The following SOX6 variants were observed in gnomAD, a reference collection of about 807,000 sequenced individuals.
SOX6 encodes the protein transcription factor SOX-6.
Under a neutral mutation model 97.8 loss-of-function variants are expected in SOX6, and 11 were observed. That is an observed-to-expected ratio of 0.11 (90% CI 0.07 to 0.19). The LOEUF is 0.19. SOX6 is among the 10% of genes least tolerant of loss of function. The probability of loss-of-function intolerance (pLI) is 1.00; values close to 1 mark genes in which losing one functional copy is unlikely to be tolerated. For missense variants in SOX6, 810 were observed against 1,039.5 expected, an observed-to-expected ratio of 0.78 and a Z score of 3.04; for synonymous variants, 360 against 371.4, an observed-to-expected ratio of 0.97 and a Z score of 0.35.
chr11:16,293,377 T>C (rs1242215735), intron 3 of SOX6, among the ~76,000 whole-genome samples: 1 of 152,180 alleles, frequency 6.6e-6, no homozygotes, highest in Non-Finnish European at 1.5e-5. Flanking sequence ...GGCTTTGTTA[T>C]TTATAGAAAC....
intron 9 of SOX6, among the ~76,000 whole-genome samples, chr11:16,071,822 G>T (rs369364533): frequency 2.0e-5 from 3 of 152,020 alleles, no homozygotes; most frequent in African/African-American, 7.2e-5. Context: ...AATTGGAGGG[G>T]CTCCTTCAAG....
chr11:16,430,900 TTCAGGTTTCCTATCTTCC>T (rs1163836104), intron 1 of SOX6, among the ~76,000 whole-genome samples: 2 of 152,180 alleles, frequency 1.3e-5, no homozygotes, highest in African/African-American at 4.8e-5. Context: ...ACCCATCTTC[TTCAGGTTTCCTATCTTCC>T]TCAGGGTAAA....
At chr11:16,527,887 C>T (rs1382197672) in intron 4 of SOX6, among the ~76,000 whole-genome samples, 1 of 152,056 alleles carries the variant, frequency 6.6e-6, no homozygotes, top group Non-Finnish European at 1.5e-5. Flanking sequence ...GTGACGGCAG[C>T]AAAGCTCCAA....
At chr11:16,122,222 T>G (rs1305864276) in intron 6 of SOX6, among the ~76,000 whole-genome samples, 2 of 152,192 alleles carry the variant, frequency 1.3e-5, no homozygotes, top group East Asian at 1.9e-4. Flanking sequence ...TTGACTATTA[T>G]GCAAATAGTC....
intron 4 of SOX6, among the ~76,000 whole-genome samples, chr11:16,581,379 T>C (rs1848030869): frequency 6.6e-6 from 1 of 151,876 alleles, no homozygotes; most frequent in Non-Finnish European, 1.5e-5. Context: ...GTCCCCTCAC[T>C]CATAAGTGGG....
At chr11:16,069,052 C>A (rs1848159194) in intron 9 of SOX6, among the ~76,000 whole-genome samples, 2 of 152,150 alleles carry the variant, frequency 1.3e-5, no homozygotes, top group South Asian at 4.1e-4. Flanking sequence ...TCAGCCCACA[C>A]CCTTTTCTCC....
At chr11:16,423,119 A>G (rs1859052227) in intron 1 of SOX6, among the ~76,000 whole-genome samples, 1 of 152,130 alleles carries the variant, frequency 6.6e-6, no homozygotes, top group Non-Finnish European at 1.5e-5. Context: ...TTCTAATGTT[A>G]TCTCCAAATT....
At chr11:16,259,244 C>A (rs1853797009) in intron 3 of SOX6, among the ~76,000 whole-genome samples, 1 of 151,576 alleles carries the variant, frequency 6.6e-6, no homozygotes, top group South Asian at 2.1e-4. Flanking sequence ...TTACATACAT[C>A]CATTAAAACC....
chr11:16,123,098 AG>A (rs1431068326), intron 6 of SOX6, among the ~76,000 whole-genome samples: 1 of 152,106 alleles, frequency 6.6e-6, no homozygotes, highest in Non-Finnish European at 1.5e-5. Flanking sequence ...AGTATCATTT[AG>A]AGATGCCTCT....
chr11:16,311,716 C>T lies in SOX6; in HGVS notation c.445+6730G>A, dbSNP rs185636569. 12 of 152,236 alleles carry T rather than the reference C, an allele frequency of 7.9e-5. No homozygotes were observed. The East Asian group carries it at 2.3e-3, about 29-fold the overall frequency. 9.4% of individuals were successfully genotyped at this position (152,236 alleles called of 1,614,324 possible). ...CTACACTCAGTAGGCTATACTGTCT[C>T]TCTAAATATTAAAACTTAGATTCAA... On this transcript the variant is annotated intron_variant, in intron 3 of 15. Transcript: ENST00000683767.
chr11:16,452,171 T>C (rs192732799), intron 1 of SOX6, among the ~76,000 whole-genome samples: 2 of 152,188 alleles, frequency 1.3e-5, no homozygotes, highest in Admixed American at 1.3e-4. Context: ...CCTCTTGAAG[T>C]ATGTCACAGA....
chr11:16,274,908 A>G (rs1378135939), intron 3 of SOX6, among the ~76,000 whole-genome samples: 1 of 152,180 alleles, frequency 6.6e-6, no homozygotes, highest in Non-Finnish European at 1.5e-5. Flanking sequence ...GTATGCAGGT[A>G]GCCTAGGCAA....
At chr11:16,625,762 C>T (rs765469010) in intron 3 of SOX6, among the ~76,000 whole-genome samples, 18 of 152,216 alleles carry the variant, frequency 1.2e-4, no homozygotes, top group Non-Finnish European at 2.1e-4. Flanking sequence ...TTGGTAAACA[C>T]ATGAAGGTGC....
At chr11:16,731,682 C>T (rs1175954050) in intron 2 of SOX6, among the ~76,000 whole-genome samples, 1 of 151,834 alleles carries the variant, frequency 6.6e-6, no homozygotes, top group Non-Finnish European at 1.5e-5. Context: ...TTGAAATGCA[C>T]AAGACAAGGA....
chr11:16,531,764 A>G (rs887411874), intron 4 of SOX6, among the ~76,000 whole-genome samples: 2 of 151,942 alleles, frequency 1.3e-5, no homozygotes, highest in Non-Finnish European at 2.9e-5. Flanking sequence ...ATACTCGCTA[A>G]TCTTTTTCTT....
Position 16,234,594 on chromosome 11 carries a change from C to T in SOX6, c.523G>A (p.Gly175Arg), listed in dbSNP as rs1852959968. 1 of 1,584,056 alleles carries T rather than the reference C, an allele frequency of 6.3e-7. No homozygotes were observed. Among genetic ancestry groups the T allele is most frequent in the Non-Finnish European group, 8.6e-7 (1 of 1,156,348 alleles). ...MERLNTSELLGEIKGTPESLA... is the reference protein window; with the variant it reads ...MERLNTSELLREIKGTPESLA... ...TTTTATGTTGTACCTTTAATTTCTC[C>T]AAGAAGTTCACTGGTATTTAGTCTT... The change falls in exon 4 of 16, where the codon GGA (glycine) becomes AGA (arginine). Residue 175 changes from glycine to arginine, a missense_variant. Around this residue, in one of 9 missense-constraint regions of SOX6, gnomAD observed 110 missense variants for 119.0 expected, o/e 0.92. Transcript: ENST00000683767.
At chr11:16,488,634 A>G (rs920195134) in intron 4 of SOX6, among the ~76,000 whole-genome samples, 1 of 152,132 alleles carries the variant, frequency 6.6e-6, no homozygotes, top group Non-Finnish European at 1.5e-5. Context: ...ACATTATCAC[A>G]CCTAACAAAT....
At chr11:16,116,569 T>C (rs1324998837) in intron 6 of SOX6, among the ~76,000 whole-genome samples, 1 of 152,228 alleles carries the variant, frequency 6.6e-6, no homozygotes, top group Non-Finnish European at 1.5e-5. Context: ...AGAGATCACA[T>C]GGATCCTTAA....
At chr11:16,190,442 T>C (rs1034482056) in intron 4 of SOX6, among the ~76,000 whole-genome samples, 1 of 152,084 alleles carries the variant, frequency 6.6e-6, no homozygotes, top group African/African-American at 2.4e-5. Flanking sequence ...ATAACACAAA[T>C]AAAACAACAC....
Sources: allele counts gnomAD v4.1 joint callset (sites outside exome capture counted in the v4.1 genomes callset), GRCh38; gene constraint gnomAD v4.1.1; regional missense constraint gnomAD v4.1.1; transcripts MANE v1.5; gene names NCBI Gene and HGNC (gene_info 2026-07-23, HGNC 2026-07-21).